Variants in HOATZ observed in about 807,000 individuals in gnomAD.
HOATZ encodes cilia- and flagella-associated protein HOATZ.
Under a neutral mutation model 24.9 loss-of-function variants are expected in HOATZ, and 26 were observed. That is an observed-to-expected ratio of 1.04 (90% CI 0.76 to 1.45). HOATZ has a LOEUF of 1.45. HOATZ is among the 40% of genes most tolerant of loss of function. The pLI, the probability that HOATZ is intolerant of heterozygous loss-of-function variation, is 0.00. For missense variants in HOATZ, 226 were observed against 201.5 expected, an observed-to-expected ratio of 1.12 and a Z score of -0.74; for synonymous variants, 83 against 76.6, an observed-to-expected ratio of 1.08 and a Z score of -0.43.
chr11:111,523,016 C>T (rs1393496939), intron 3 of HOATZ, among the ~76,000 whole-genome samples: 1 of 152,012 alleles, frequency 6.6e-6, no homozygotes, highest in East Asian at 1.9e-4. Context: ...GCCTGGGAGG[C>T]GGAGGTTGCA....
chr11:111,524,855 A>G (rs1325862133), intron 3 of HOATZ: 2 of 442,138 alleles, frequency 4.5e-6, no homozygotes, highest in East Asian at 1.4e-4. Flanking sequence ...AAATGTGCAT[A>G]TTTTCTTTTT....
At chr11:111,528,726 A>C (rs1293575665) in intron 3 of HOATZ, among the ~76,000 whole-genome samples, 1 of 152,210 alleles carries the variant, frequency 6.6e-6, no homozygotes, top group African/African-American at 2.4e-5. Flanking sequence ...GTGAGAGCAG[A>C]GACTATATTT....
chr11:111,525,322 A>G (rs1867325636), intron 3 of HOATZ, among the ~76,000 whole-genome samples: 1 of 152,262 alleles, frequency 6.6e-6, no homozygotes, highest in Non-Finnish European at 1.5e-5. Context: ...AACTAAAAAT[A>G]TAAAAGATTG....
At chr11:111,526,444 G>A (rs962049867) in intron 3 of HOATZ, among the ~76,000 whole-genome samples, 1 of 152,130 alleles carries the variant, frequency 6.6e-6, no homozygotes, top group Non-Finnish European at 1.5e-5. Flanking sequence ...TAGATTGAAG[G>A]GATAGTTAGG....
intron 3 of HOATZ, chr11:111,524,915 G>A (rs143426747): frequency 7.4e-4 from 330 of 445,302 alleles, no homozygotes; most frequent in Admixed American, 1.2e-3. Flanking sequence ...AGAATGAAGT[G>A]CAGTGGCATG....
At chr11:111,521,202 C>T (rs1413203869) in intron 3 of HOATZ, among the ~76,000 whole-genome samples, 1 of 152,046 alleles carries the variant, frequency 6.6e-6, no homozygotes, top group African/African-American at 2.4e-5. Flanking sequence ...TTAGCTAATA[C>T]CTACTTGTAT....
At chr11:111,524,503 G>A (rs994318049) in intron 3 of HOATZ, among the ~76,000 whole-genome samples, 8 of 152,202 alleles carry the variant, frequency 5.3e-5, no homozygotes, top group Non-Finnish European at 1.0e-4. Context: ...TGCTAGACAA[G>A]AAATTGAGAC....
chr11:111,533,753 C>A lies in HOATZ; in HGVS notation c.347C>A (p.Thr116Lys). 6.3e-7 allele frequency: 1 copy of A among 1,586,428 alleles called. No homozygotes were observed. Among genetic ancestry groups the A allele is most frequent in the Non-Finnish European group, 8.5e-7 (1 of 1,171,570 alleles). Residue 116 changes from threonine (T) to lysine (K), a missense_variant, in exon 4 of 6, where the codon ACA becomes AAA. Coordinates refer to ENST00000375618, the MANE Select transcript of HOATZ (RefSeq NM_001100388.2). ...TTTTCTTTCTTTAAACAGGCTAAAA[C>A]AAGAGAAGAGATTCTCCAACTCTTA... ...EKVKYLQKAK[T>K]REEILQLLRK...
At chr11:111,516,236 C>A in intron 3 of HOATZ, 126 bp downstream of exon 3, 3 of 533,492 alleles carry the variant, frequency 5.6e-6, no homozygotes, top group South Asian at 3.7e-5. Flanking sequence ...ATTAAGGAAA[C>A]CTTTATTAGA....
chr11:111,524,592 G>C (rs1265702349), intron 3 of HOATZ, among the ~76,000 whole-genome samples: 1 of 152,146 alleles, frequency 6.6e-6, no homozygotes, highest in East Asian at 1.9e-4. Context: ...GCCAAAAAAA[G>C]AAGGAAAGAA....
intron 1 of HOATZ, 116 bp from the exon 2 acceptor site, chr11:111,515,380 GACCTGTGAGCCCTTA>G (rs1867175370): frequency 9.9e-6 from 7 of 704,276 alleles, no homozygotes; most frequent in Non-Finnish European, 1.8e-5. Context: ...GAACTTCCTG[GACCTGTGAGCCCTTA>G]GTGAGGCCTA....
chr11:111,514,904 C>A lies in HOATZ; in HGVS notation c.120C>A (p.Phe40Leu), dbSNP rs1867158318. Residue 40 changes from phenylalanine (F) to leucine (L), a missense_variant, in exon 1 of 6, where the codon TTC becomes TTA. Coordinates refer to ENST00000375618, the MANE Select transcript of HOATZ (RefSeq NM_001100388.2). ...SEQDANLAKQ[F>L]WISASMYPPS... is the part of the protein sequence containing the mutation. Reference sequence around the variant, plus strand: ...AAGATGCCAACTTGGCTAAGCAGTTCTGGATCTCGGCGTCGATGTATCCCC... The same window carrying A: ...AAGATGCCAACTTGGCTAAGCAGTTATGGATCTCGGCGTCGATGTATCCCC... 6 of 1,614,172 alleles carry A rather than the reference C, an allele frequency of 3.7e-6. No homozygotes were observed. Among genetic ancestry groups the A allele is most frequent in the Non-Finnish European group, 5.1e-6 (6 of 1,180,016 alleles).
At chr11:111,526,132 C>T (rs916355045) in intron 3 of HOATZ, among the ~76,000 whole-genome samples, 2 of 151,120 alleles carry the variant, frequency 1.3e-5, no homozygotes, top group African/African-American at 2.5e-5. Flanking sequence ...GCGAAAACAG[C>T]ATGTGCAAAG....
At position 111,514,929 on chromosome 11, in the gene HOATZ, C is replaced by G. The variant is rs4418847; in HGVS notation, c.145C>G (p.Pro49Ala). The G allele has an allele frequency of 1.9e-5, 30 of 1,613,844 alleles. No homozygotes were observed. In the African/African-American group the frequency reaches 3.3e-4, roughly 18 times the overall value. The change falls in exon 1 of 6, where the codon CCT (proline) becomes GCT (alanine). Residue 49 changes from proline (P) to alanine (A), a missense_variant. Pro to Ala is a conservative substitution (Grantham distance 27). Transcript: ENST00000375618. ...QFWISASMYP[P>A]SESQLVLRRD... Reference sequence around the variant, plus strand: ...CTGGATCTCGGCGTCGATGTATCCCCCTAGCGAATCTCAGCTGGTGCTGCG... The same window carrying G: ...CTGGATCTCGGCGTCGATGTATCCCGCTAGCGAATCTCAGCTGGTGCTGCG...
chr11:111,514,907 G>A lies in HOATZ; in HGVS notation c.123G>A (p.Trp41Ter), dbSNP rs1363948003. The change falls in exon 1 of 6, where the codon TGG becomes TGA. Residue 41 changes from tryptophan to a stop codon, truncating the protein, a stop_gained. Coordinates refer to ENST00000375618, the MANE Select transcript of HOATZ (RefSeq NM_001100388.2). LOFTEE classifies it high-confidence loss of function. Reference protein sequence around the residue: ...EQDANLAKQFWISASMYPPSE... With the variant: ...EQDANLAKQF ...ATGCCAACTTGGCTAAGCAGTTCTG[G>A]ATCTCGGCGTCGATGTATCCCCCTA... 21 of 1,614,048 alleles carry A rather than the reference G, an allele frequency of 1.3e-5. No individual in the cohort carries two copies. Among genetic ancestry groups the A allele is most frequent in the Non-Finnish European group, 1.8e-5 (21 of 1,180,042 alleles).
At chr11:111,522,764 C>T (rs1867283770) in intron 3 of HOATZ, among the ~76,000 whole-genome samples, 1 of 152,078 alleles carries the variant, frequency 6.6e-6, no homozygotes, top group Admixed American at 6.6e-5. Context: ...TTATTTACAA[C>T]CCCAAAATCA....
intron 3 of HOATZ, among the ~76,000 whole-genome samples, chr11:111,520,237 C>T (rs574480199): frequency 3.9e-5 from 6 of 152,080 alleles, no homozygotes; most frequent in South Asian, 2.1e-4. Context: ...TTAGTTTTGC[C>T]GCCTTTAAGA....
chr11:111,523,873 T>A (rs1019848048), intron 3 of HOATZ, among the ~76,000 whole-genome samples: 9 of 152,240 alleles, frequency 5.9e-5, no homozygotes, highest in African/African-American at 2.2e-4. Flanking sequence ...CCTAGTCTGA[T>A]ATAAATGCCT....
intron 3 of HOATZ, chr11:111,525,036 A>AT (rs1403875323): frequency 1.6e-5 from 5 of 319,698 alleles, no homozygotes; most frequent in Admixed American, 4.3e-5. Flanking sequence ...ATCCAGCTAC[A>AT]TTTTTTGTAT....
Sources: allele counts gnomAD v4.1 joint callset (sites outside exome capture counted in the v4.1 genomes callset), GRCh38; gene constraint gnomAD v4.1.1; transcripts MANE v1.5; gene names NCBI Gene and HGNC (gene_info 2026-07-23, HGNC 2026-07-21).